Variants in LINGO2 observed in about 807,000 individuals in gnomAD.
LINGO2 encodes the protein leucine rich repeat and Ig domain containing 2.
A neutral mutation model predicts 30.6 loss-of-function variants in LINGO2; 14 were observed. The observed-to-expected ratio is 0.46, with a 90% CI of 0.30 to 0.72. The LOEUF is 0.72. Among genes scored for constraint, LINGO2 ranks in the 30% least tolerant of loss-of-function variants. LINGO2 has a pLI of 0.07. For synonymous variants in LINGO2, 317 were observed against 288.5 expected (o/e 1.10, Z -1.00); for missense variants, 729 against 751.7 (o/e 0.97, Z 0.35).
chr9:28,641,161 G>A (rs780761591), intron 1 of LINGO2, among the ~76,000 whole-genome samples: 11 of 151,990 alleles, frequency 7.2e-5, no homozygotes, highest in Non-Finnish European at 1.3e-4. Flanking sequence ...AGTCTCCCGA[G>A]TAGCTGGGAC....
intron 4 of LINGO2, among the ~76,000 whole-genome samples, chr9:28,183,544 A>T (rs1441682083): frequency 2.6e-5 from 4 of 152,136 alleles, no homozygotes; most frequent in Admixed American, 6.6e-5. Flanking sequence ...AGCCTCACTC[A>T]TTCATTTACT....
chr9:28,834,388 G>A, the LINGO2 span, among the ~76,000 whole-genome samples: 6 of 152,120 alleles, frequency 3.9e-5, no homozygotes. Flanking sequence ...GAGATGCCAG[G>A]AAGATTTCAA....
intron 4 of LINGO2, among the ~76,000 whole-genome samples, chr9:28,038,195 T>C (rs1335062467): frequency 6.6e-6 from 1 of 151,464 alleles, no homozygotes; most frequent in Non-Finnish European, 1.5e-5. Flanking sequence ...ATGGATTTAA[T>C]TTGAGACCAT....
chr9:28,607,665 T>G (rs764617081), intron 1 of LINGO2, among the ~76,000 whole-genome samples: 1 of 152,008 alleles, frequency 6.6e-6, no homozygotes, highest in Non-Finnish European at 1.5e-5. Flanking sequence ...GCCTTTCACC[T>G]TACAGCTAAC....
At chr9:28,743,586 A>T in the LINGO2 span, among the ~76,000 whole-genome samples, 2 of 151,966 alleles carry the variant, frequency 1.3e-5, no homozygotes, top group Non-Finnish European at 2.9e-5. Flanking sequence ...CTTGGTTGAC[A>T]GTTTTTTTAT....
the LINGO2 span, among the ~76,000 whole-genome samples, chr9:29,143,844 C>T: frequency 2.0e-5 from 3 of 152,014 alleles, no homozygotes; most frequent in Non-Finnish European, 2.9e-5. Context: ...AATCTTTGTC[C>T]GTGCCTATGT....
intron 4 of LINGO2, among the ~76,000 whole-genome samples, chr9:28,185,408 A>C (rs970965792): frequency 9.9e-5 from 15 of 152,186 alleles, no homozygotes; most frequent in African/African-American, 3.6e-4. Context: ...CATTCTGCAT[A>C]ATCATAACCC....
intron 4 of LINGO2, among the ~76,000 whole-genome samples, chr9:28,246,260 C>T (rs1401448237): frequency 2.6e-5 from 4 of 152,022 alleles, no homozygotes; most frequent in Non-Finnish European, 5.9e-5. Context: ...CCCATCTCTA[C>T]TAAAAATACC....
At chr9:28,738,628 C>A in the LINGO2 span, among the ~76,000 whole-genome samples, 2 of 151,818 alleles carry the variant, frequency 1.3e-5, no homozygotes, top group Non-Finnish European at 2.9e-5. Context: ...AGCAATCTTA[C>A]CTATGAATAC....
the LINGO2 span, among the ~76,000 whole-genome samples, chr9:28,709,079 G>A: frequency 6.6e-6 from 1 of 152,030 alleles, no homozygotes; most frequent in Non-Finnish European, 1.5e-5. Flanking sequence ...TCTGATGGAT[G>A]TTCTGCAGAA....
At chr9:28,767,465 T>G in the LINGO2 span, among the ~76,000 whole-genome samples, 2 of 152,090 alleles carry the variant, frequency 1.3e-5, no homozygotes, top group African/African-American at 4.8e-5. Flanking sequence ...TCCTTAGACA[T>G]AATAGTTTAG....
chr9:28,123,241 A>G (rs796299829), intron 4 of LINGO2, among the ~76,000 whole-genome samples: 1 of 152,340 alleles, frequency 6.6e-6, no homozygotes, highest in African/African-American at 2.4e-5. Context: ...ATTATCTCCT[A>G]AAATCATAGT....
the LINGO2 span, among the ~76,000 whole-genome samples, chr9:29,051,629 T>C: frequency 6.6e-6 from 1 of 152,138 alleles, no homozygotes. Flanking sequence ...TCCTTGTTTG[T>C]TTTTTGGATC....
intron 4 of LINGO2, among the ~76,000 whole-genome samples, chr9:28,040,156 CTTTA>C (rs1327619186): frequency 2.7e-5 from 4 of 147,394 alleles, no homozygotes; most frequent in Admixed American, 6.6e-5. Context: ...ATTTTGCCTT[CTTTA>C]TTTTTTTTGC....
At chr9:28,806,983 T>A in the LINGO2 span, among the ~76,000 whole-genome samples, 129 of 151,564 alleles carry the variant, frequency 8.5e-4, no homozygotes, top group Non-Finnish European at 1.4e-3. Flanking sequence ...ATAGGAGGTC[T>A]CATGTGAAAA....
At chr9:29,056,403 ACTGT>A in the LINGO2 span, among the ~76,000 whole-genome samples, 4 of 152,072 alleles carry the variant, frequency 2.6e-5, no homozygotes, top group Admixed American at 1.3e-4. Flanking sequence ...TCTTTTGAGA[ACTGT>A]CTATTAATGT....
intron 4 of LINGO2, among the ~76,000 whole-genome samples, chr9:28,132,175 C>A (rs1044331521): frequency 2.0e-5 from 3 of 152,144 alleles, no homozygotes; most frequent in Non-Finnish European, 4.4e-5. Flanking sequence ...ACTACAAAAT[C>A]TTTTGCATAT....
chr9:27,981,551 G>GAAAAAAAAGAA (rs1820867675), intron 5 of LINGO2, among the ~76,000 whole-genome samples: 1 of 87,144 alleles, frequency 1.1e-5, no homozygotes, highest in African/African-American at 4.2e-5. Flanking sequence ...AAAAAAAAAA[G>GAAAAAAAAGAA]AAAAAAAAGA....
intron 5 of LINGO2, among the ~76,000 whole-genome samples, chr9:28,009,022 G>T (rs577733666): frequency 5.9e-5 from 9 of 152,182 alleles, no homozygotes; most frequent in African/African-American, 2.2e-4. Flanking sequence ...TTACTATAAA[G>T]CAACAGTAAT....
Sources: allele counts gnomAD v4.1 joint callset (sites outside exome capture counted in the v4.1 genomes callset), GRCh38; gene constraint gnomAD v4.1.1; transcripts MANE v1.5; gene names NCBI Gene and HGNC (gene_info 2026-07-23, HGNC 2026-07-21).